FUBP3: variants seen among roughly 807,000 people sequenced by gnomAD.
FUBP3 encodes the protein far upstream element-binding protein 3.
Under a neutral mutation model 85.6 loss-of-function variants are expected in FUBP3, and 28 were observed. That is an observed-to-expected ratio of 0.33 (90% CI 0.24 to 0.45). The LOEUF is 0.45. Ranked by LOEUF, FUBP3 falls within the 20% of genes least tolerant of loss-of-function variation. FUBP3 has a pLI of 1.00. For synonymous variants in FUBP3, 271 were observed against 271.4 expected, an observed-to-expected ratio of 1.00 and a Z score of 0.01; for missense variants, 583 against 755.1, an observed-to-expected ratio of 0.77 and a Z score of 2.67.
intron 1 of FUBP3, among the ~76,000 whole-genome samples, chr9:130,592,504 C>T (rs1046127114): frequency 2.6e-5 from 4 of 152,112 alleles, no homozygotes; most frequent in Admixed American, 1.3e-4. Flanking sequence ...CTTCCTTCTT[C>T]CTATCTTGTC....
At chr9:130,613,772 CAT>C (rs972577015) in intron 5 of FUBP3, among the ~76,000 whole-genome samples, 2 of 152,152 alleles carry the variant, frequency 1.3e-5, no homozygotes, top group African/African-American at 2.4e-5. Context: ...TGAGGCATCA[CAT>C]GTGGTGTTAG....
rs1282590997 is a variant in FUBP3 at position 130,595,550 on chromosome 9, A to G, written c.152A>G (p.Tyr51Cys). ...ACACCTCTAGTGGACCCCTCAGTAT[A>G]TGGATACGGAGTACAAAAACGGCCC... ...NSTPLVDPSV[Y>C]GYGVQKRPLD... Residue 51 changes from tyrosine (Y) to cysteine (C), a missense_variant, in exon 2 of 19, where the codon TAT (tyrosine) becomes TGT (cysteine). Around this residue, in one of 3 missense-constraint regions of FUBP3, gnomAD observed 177 missense variants for 221.9 expected, o/e 0.80. Coordinates refer to ENST00000319725, the MANE Select transcript of FUBP3 (RefSeq NM_003934.2). The G allele has an allele frequency of 6.3e-7, 1 of 1,576,768 alleles. No homozygotes were observed. Among genetic ancestry groups the G allele is most frequent in the South Asian group, 1.1e-5 (1 of 90,366 alleles).
chr9:130,619,818 T>C (rs559901238), intron 8 of FUBP3, among the ~76,000 whole-genome samples: 11 of 152,356 alleles, frequency 7.2e-5, no homozygotes, highest in Middle Eastern at 3.4e-3. Flanking sequence ...AAGATAGGCT[T>C]GCCCTTTTGT....
intron 12 of FUBP3, among the ~76,000 whole-genome samples, chr9:130,629,444 G>A (rs1000007291): frequency 6.6e-6 from 1 of 152,222 alleles, no homozygotes; most frequent in Admixed American, 6.5e-5. Context: ...CCCCGTAAGG[G>A]CAGCCCCTGC....
intron 12 of FUBP3, among the ~76,000 whole-genome samples, chr9:130,629,382 G>GT (rs1554746279): frequency 1.3e-5 from 2 of 152,218 alleles, no homozygotes; most frequent in Non-Finnish European, 2.9e-5. Context: ...CTTAACCAAC[G>GT]TCTTCTGCAT....
intron 1 of FUBP3, among the ~76,000 whole-genome samples, chr9:130,583,163 C>T (rs1264813191): frequency 6.6e-6 from 1 of 152,146 alleles, no homozygotes; most frequent in East Asian, 1.9e-4. Flanking sequence ...TAGGCCCGAA[C>T]CTCTTCTTCA....
chr9:130,603,672 T>G (rs558269045), intron 2 of FUBP3, among the ~76,000 whole-genome samples: 2 of 152,292 alleles, frequency 1.3e-5, no homozygotes, highest in African/African-American at 4.8e-5. Flanking sequence ...ATGAATGAGC[T>G]AAACCTGCAG....
intron 5 of FUBP3, 143 bp from the exon 6 acceptor site, chr9:130,614,145 A>G: frequency 1.8e-6 from 1 of 568,706 alleles, no homozygotes; most frequent in South Asian, 2.7e-5. Flanking sequence ...TTCTGTCCAC[A>G]AGTGGAAGCA....
chr9:130,605,081 G>A (rs1831353523), intron 2 of FUBP3, among the ~76,000 whole-genome samples: 1 of 152,018 alleles, frequency 6.6e-6, no homozygotes, highest in Non-Finnish European at 1.5e-5. Flanking sequence ...AATAAAGCTG[G>A]TTGTGACCCC....
At chr9:130,595,728 AT>A (rs1395946054) in intron 2 of FUBP3, 140 bp downstream of exon 2, 3 of 647,172 alleles carry the variant, frequency 4.6e-6, no homozygotes, top group Non-Finnish European at 8.5e-6. Context: ...ATTTAGGATG[AT>A]TTTTCTCAGC....
At chr9:130,581,006 G>T (rs946966300) in intron 1 of FUBP3, 1 of 152,286 alleles carries the variant, frequency 6.6e-6, no homozygotes, top group Non-Finnish European at 1.5e-5. Flanking sequence ...TTGCTGGCGT[G>T]TTACAGTGCT....
chr9:130,584,483 G>A (rs1162729030), intron 1 of FUBP3, among the ~76,000 whole-genome samples: 1 of 151,956 alleles, frequency 6.6e-6, no homozygotes, highest in Non-Finnish European at 1.5e-5. Context: ...AGCCGAGATC[G>A]TGCCATTGCA....
intron 1 of FUBP3, among the ~76,000 whole-genome samples, chr9:130,589,498 T>C (rs1200701329): frequency 1.3e-5 from 2 of 150,426 alleles, no homozygotes; most frequent in Non-Finnish European, 1.5e-5. Context: ...CATGCACCAC[T>C]ATGCCCAGCT....
chr9:130,600,675 T>C (rs1265740989), intron 2 of FUBP3, among the ~76,000 whole-genome samples: 1 of 152,010 alleles, frequency 6.6e-6, no homozygotes, highest in Non-Finnish European at 1.5e-5. Flanking sequence ...AAGGACCTGA[T>C]AGTAAGCATT....
At chr9:130,604,641 C>G (rs890229189) in intron 2 of FUBP3, among the ~76,000 whole-genome samples, 3 of 152,198 alleles carry the variant, frequency 2.0e-5, no homozygotes, top group Non-Finnish European at 4.4e-5. Context: ...GTTGCTCATG[C>G]TTGTAATCCC....
At chr9:130,620,504 AGTT>A in intron 9 of FUBP3, 46 bp downstream of exon 9, 1 of 916,690 alleles carries the variant, frequency 1.1e-6, no homozygotes, top group Non-Finnish European at 1.7e-6. Context: ...TGAGGACTAA[AGTT>A]GTAGGTCACA....
chr9:130,618,010 G>A, intron 8 of FUBP3, 115 bp downstream of exon 8: 1 of 589,094 alleles, frequency 1.7e-6, no homozygotes, highest in Non-Finnish European at 3.1e-6. Context: ...CGTTATTGAA[G>A]GTAAACTGTT....
At chr9:130,598,732 T>C (rs1345480566) in intron 2 of FUBP3, among the ~76,000 whole-genome samples, 2 of 152,226 alleles carry the variant, frequency 1.3e-5, no homozygotes, top group South Asian at 2.1e-4. Context: ...TTCTGTTTTG[T>C]GGTCATAAAC....
intron 15 of FUBP3, 57 bp from the exon 16 acceptor site, chr9:130,632,145 A>T (rs1830238239): frequency 6.7e-7 from 1 of 1,499,538 alleles, no homozygotes; most frequent in Non-Finnish European, 9.3e-7. Context: ...GTGAAGAGGG[A>T]GACGACAGGG....
Sources: gnomAD v4.1 joint callset for allele counts (sites outside exome capture counted in the v4.1 genomes callset) on GRCh38, gnomAD v4.1.1 for gene constraint, gnomAD v4.1.1 regional missense constraint, MANE v1.5 for transcripts, NCBI Gene and HGNC (gene_info 2026-07-23, HGNC 2026-07-21) for gene names.